ZNF462: variants seen among roughly 807,000 people sequenced by gnomAD.
ZNF462 encodes the protein zinc finger PBX1-interacting protein.
ZNF462 carries 10 observed loss-of-function variants against 201.9 expected under a neutral mutation model. The ratio of observed to expected loss-of-function variants is 0.05; its 90% CI spans 0.03 to 0.08. The LOEUF is 0.08. Among genes scored for constraint, ZNF462 ranks in the 10% least tolerant of loss-of-function variants. The pLI is 1.00. For synonymous variants in ZNF462, 1,227 were observed against 1,193.3 expected (o/e 1.03, Z -0.58); for missense variants, 2,523 against 3,168.3 (o/e 0.80, Z 4.89).
At chr9:106,952,941 C>A (rs549632283) in intron 7 of ZNF462, among the ~76,000 whole-genome samples, 2 of 152,228 alleles carry the variant, frequency 1.3e-5, no homozygotes, top group African/African-American at 4.8e-5. Flanking sequence ...ATCAGCCTGA[C>A]TCCAAAGTCT....
intron 1 of ZNF462, among the ~76,000 whole-genome samples, chr9:106,910,725 C>T (rs1365650207): frequency 1.3e-5 from 2 of 151,826 alleles, no homozygotes. Flanking sequence ...TCTTTTTCCC[C>T]AGCCAAGCCT....
In ZNF462 at chr9:106,954,479, A is replaced by G. The variant is rs184818159; in HGVS notation, c.6427+15372A>G. The stretch of plus-strand genomic sequence containing the variant: ...TTAGAGATGAGATTTGGGTGGGGAC[A>G]CAGAACCAAACCATATCAGCCTGTT... On this transcript the variant is annotated intron_variant, in intron 7 of 12. Coordinates refer to ENST00000277225, the MANE Select transcript of ZNF462 (RefSeq NM_021224.6). The surrounding 1 kb of genome is among the most constrained non-coding windows in gnomAD (Gnocchi z 4.0). Among the ~76,000 whole-genome samples the G allele has an allele frequency of 5.1e-3, 776 of 152,086 alleles. 10 individuals carry two copies. Among genetic ancestry groups the G allele is most frequent in the African/African-American group, 0.018 (742 of 41,504 alleles).
At chr9:106,900,591 G>A (rs1306113807) in intron 1 of ZNF462, among the ~76,000 whole-genome samples, 2 of 152,122 alleles carry the variant, frequency 1.3e-5, no homozygotes, top group Non-Finnish European at 1.5e-5. Context: ...TCTTGCAGGA[G>A]TAAGATGGCA....
rs80154305 is a variant in ZNF462, at chr9:106,920,156, T to C, written c.-30-3198T>C. Among the ~76,000 whole-genome samples, 38 of 152,052 alleles carry C rather than the reference T, an allele frequency of 2.5e-4. No individual in the cohort carries two copies. The East Asian group carries it at 5.8e-3, about 23-fold the overall frequency. Reference sequence around the variant, plus strand: ...GCTTATTTCTCACCTTTTTTTTTTTTCCTCGGTTTTGGTTTCTTAGAGGAT... The same window carrying C: ...GCTTATTTCTCACCTTTTTTTTTTTCCCTCGGTTTTGGTTTCTTAGAGGAT... On this transcript the variant is annotated intron_variant, in intron 1 of 12. Transcript: ENST00000277225. The surrounding 1 kb of genome is among the most constrained non-coding windows in gnomAD (Gnocchi z 4.3).
intron 1 of ZNF462, among the ~76,000 whole-genome samples, chr9:106,921,503 C>CT: frequency 6.6e-6 from 1 of 152,282 alleles, no homozygotes; most frequent in Admixed American, 6.5e-5. Flanking sequence ...ATGGCTGCCC[C>CT]TAAAGCTCAG....
rs1831302148 is a variant in ZNF462, at chr9:106,950,641, C to T, written c.6427+11534C>T. Among the ~76,000 whole-genome samples the T allele has an allele frequency of 6.6e-6, 1 of 152,264 alleles. No individual in the cohort carries two copies. Among genetic ancestry groups the T allele is most frequent in the Middle Eastern group, 3.4e-3 (1 of 292 alleles). On this transcript the variant is annotated intron_variant, in intron 7 of 12. Transcript: ENST00000277225. This position sits in a 1 kb window ranked among gnomAD's most constrained non-coding sequence, Gnocchi z 4.1. ...ACAGGCAGACAGTGAAGTGTAAGTG[C>T]AGTTCCCTATTAGCACATTAAAATT...
chr9:106,893,477 A>G (rs1828677690), intron 1 of ZNF462, among the ~76,000 whole-genome samples: 1 of 152,186 alleles, frequency 6.6e-6, no homozygotes, highest in Non-Finnish European at 1.5e-5. Context: ...GATTTTAGTG[A>G]TGATAAAGGA....
chr9:106,864,102 CTCT>C (rs1564062809), intron 1 of ZNF462, among the ~76,000 whole-genome samples: 21 of 123,676 alleles, frequency 1.7e-4, no homozygotes, highest in Non-Finnish European at 1.6e-4. Flanking sequence ...CTCTCTCTCT[CTCT>C]CTCTCCCTCT....
intron 1 of ZNF462, among the ~76,000 whole-genome samples, chr9:106,903,864 T>C (rs1829160633): frequency 6.6e-6 from 1 of 152,200 alleles, no homozygotes; most frequent in Non-Finnish European, 1.5e-5. Context: ...GGTGACTTCT[T>C]ATATATTCTG....
At position 106,945,739 on chromosome 9, in the gene ZNF462, T is replaced by TTA. The variant is rs530115016; in HGVS notation, c.6427+6633_6427+6634dup. On this transcript the variant is annotated intron_variant, in intron 7 of 12. Transcript: ENST00000277225. ...TGTGGCCTAAAGTTCATTTTAACACTTACTATGTTTCTATATTTCTACTGT... is the reference window on the plus strand; with the variant it reads ...TGTGGCCTAAAGTTCATTTTAACACTTATACTATGTTTCTATATTTCTACTGT... 4.4e-4 allele frequency among the ~76,000 whole-genome samples: 67 copies of TTA among 152,322 alleles called. No homozygotes were observed. The South Asian group carries it at 7.5e-3, about 17-fold the overall frequency.
rs558489400 is a variant in ZNF462 at position 106,977,578 on chromosome 9, A to T, written c.6832+3305A>T. On this transcript the variant is annotated intron_variant, in intron 9 of 12. Coordinates refer to ENST00000277225, the MANE Select transcript of ZNF462 (RefSeq NM_021224.6). The surrounding 1 kb of genome is among the most constrained non-coding windows in gnomAD (Gnocchi z 4.6). ...ATGTTTACTCATGTGTTCAGCAAAC[A>T]TTCATTATTTGCTTGTTACGTGCCA... Among the ~76,000 whole-genome samples the T allele has an allele frequency of 2.1e-4, 32 of 151,806 alleles. No homozygotes were observed. The highest frequency in any genetic ancestry group is 7.8e-4 in the African/African-American group (32 of 41,046).
rs184056965 is a variant in ZNF462 at position 106,883,048 on chromosome 9, A to G, written c.-31+19693A>G. On this transcript the variant is annotated intron_variant, in intron 1 of 12. Transcript: ENST00000277225. The surrounding 1 kb of genome is among the most constrained non-coding windows in gnomAD (Gnocchi z 4.9). ...TCTTCACCTTTGACTTTAGTTCTTGAACATTTCAATGGAATGATTTAGATC... is the reference window on the plus strand; with the variant it reads ...TCTTCACCTTTGACTTTAGTTCTTGGACATTTCAATGGAATGATTTAGATC... Among the ~76,000 whole-genome samples, 272 of 152,328 alleles carry G rather than the reference A, an allele frequency of 1.8e-3. 3 individuals are homozygous for G. Among genetic ancestry groups the G allele is most frequent in the Non-Finnish European group, 3.2e-3 (220 of 68,032 alleles).
intron 1 of ZNF462, among the ~76,000 whole-genome samples, chr9:106,903,961 C>T (rs1410821136): frequency 6.6e-6 from 1 of 152,088 alleles, no homozygotes; most frequent in South Asian, 2.1e-4. Flanking sequence ...TTTCATCATG[C>T]TCATTGTTGC....
At position 106,966,808 on chromosome 9, in the gene ZNF462, C is replaced by G. The variant is rs892397141; in HGVS notation, c.6428-5197C>G. Reference sequence around the variant, plus strand: ...TAAAATTCCTTGTCTTTTATTTTTTCTTGGTACTTGATTCACACTGACCAA... The same window carrying G: ...TAAAATTCCTTGTCTTTTATTTTTTGTTGGTACTTGATTCACACTGACCAA... On this transcript the variant is annotated intron_variant, in intron 7 of 12. Coordinates refer to ENST00000277225, the MANE Select transcript of ZNF462 (RefSeq NM_021224.6). This position sits in a 1 kb window ranked among gnomAD's most constrained non-coding sequence, Gnocchi z 4.4. 6.6e-6 allele frequency among the ~76,000 whole-genome samples: 1 copy of G among 152,058 alleles called. No individual in the cohort carries two copies.
chr9:106,963,321 ACT>A lies in ZNF462; in HGVS notation c.6428-8683_6428-8682del, dbSNP rs1458602060. Reference sequence around the variant, plus strand: ...TCATCTTGATAGCTCTGTGTTACACACTGTTTTAATAACTTAAAACAATATAT... The same window carrying A: ...TCATCTTGATAGCTCTGTGTTACACAGTTTTAATAACTTAAAACAATATAT... On this transcript the variant is annotated intron_variant, in intron 7 of 12. Coordinates refer to ENST00000277225, the MANE Select transcript of ZNF462 (RefSeq NM_021224.6). This position sits in a 1 kb window ranked among gnomAD's most constrained non-coding sequence, Gnocchi z 4.7. Among the ~76,000 whole-genome samples the A allele has an allele frequency of 7.2e-5, 11 of 152,090 alleles. No individual in the cohort carries two copies. The East Asian group carries it at 1.9e-3, about 27-fold the overall frequency.
chr9:106,956,380 A>G lies in ZNF462; in HGVS notation c.6428-15625A>G, dbSNP rs560075002. On this transcript the variant is annotated intron_variant, in intron 7 of 12. Coordinates refer to ENST00000277225, the MANE Select transcript of ZNF462 (RefSeq NM_021224.6). ...TTGTAAGTCCCAACAGTGAGCTTCA[A>G]ATATTTAGTAAACCATGCTGTAAAC... 7.2e-5 allele frequency among the ~76,000 whole-genome samples: 11 copies of G among 152,278 alleles called. 1 individual carries two copies. In the South Asian group the frequency reaches 1.9e-3, roughly 26 times the overall value.
chr9:106,970,759 T>C lies in ZNF462; in HGVS notation c.6428-1246T>C, dbSNP rs1388068185. On this transcript the variant is annotated intron_variant, in intron 7 of 12. Transcript: ENST00000277225. This position sits in a 1 kb window ranked among gnomAD's most constrained non-coding sequence, Gnocchi z 4.2. The stretch of plus-strand genomic sequence containing the variant: ...TAACCTCCACATTGCAAGCAGCATG[T>C]TGGGAAAAGGTTCAAGACCTTTTAC... Among the ~76,000 whole-genome samples, 1 of 152,238 alleles carries C rather than the reference T, an allele frequency of 6.6e-6. No individual in the cohort carries two copies. Among genetic ancestry groups the C allele is most frequent in the Non-Finnish European group, 1.5e-5 (1 of 68,050 alleles).
At chr9:106,860,793 C>G (rs34529769), upstream of ZNF462, among the ~76,000 whole-genome samples, 30,122 of 152,058 alleles carry the variant, frequency 0.2, 3,058 homozygotes, top group South Asian at 0.26. This position sits in a 1 kb window ranked among gnomAD's most constrained non-coding sequence, Gnocchi z 7.1. Flanking sequence ...CGCTCAGACA[C>G]CCCCCGGGTC....
rs779927831 is a variant in ZNF462 at position 106,923,613 on chromosome 9, T to C, written c.220+10T>C. On this transcript the variant is annotated intron_variant, in intron 2 of 12. Coordinates refer to ENST00000277225, the MANE Select transcript of ZNF462 (RefSeq NM_021224.6). This position sits in a 1 kb window ranked among gnomAD's most constrained non-coding sequence, Gnocchi z 5.6. ...GCAGAAGATTTATCAGGTAAATCTATACTAAACTTGGCACGGCCGATGTAT... is the reference window on the plus strand; with the variant it reads ...GCAGAAGATTTATCAGGTAAATCTACACTAAACTTGGCACGGCCGATGTAT... 13 of 1,611,738 alleles carry C rather than the reference T, an allele frequency of 8.1e-6. No individual in the cohort carries two copies. The highest frequency in any genetic ancestry group is 2.2e-5 in the South Asian group (2 of 91,030).
Sources: gnomAD v4.1 joint callset for allele counts (sites outside exome capture counted in the v4.1 genomes callset) on GRCh38, gnomAD v4.1.1 for gene constraint, Gnocchi (gnomAD v3.1) non-coding constraint, MANE v1.5 for transcripts, NCBI Gene and HGNC (gene_info 2026-07-23, HGNC 2026-07-21) for gene names.